The following WAPL variants were observed in gnomAD, a reference collection of about 807,000 sequenced individuals.
WAPL encodes WAPL cohesin release factor, also known as wings apart-like protein homolog.
In WAPL, 5 loss-of-function variants were observed where a neutral mutation model predicts 121.0. The ratio of observed to expected loss-of-function variants is 0.04; its 90% CI spans 0.02 to 0.09. WAPL has a LOEUF of 0.09. Ranked by LOEUF, WAPL falls within the 10% of genes least tolerant of loss-of-function variation. The pLI, the probability that WAPL is intolerant of heterozygous loss-of-function variation, is 1.00. For synonymous variants in WAPL, 480 were observed against 481.5 expected, an observed-to-expected ratio of 1.00 and a Z score of 0.04; for missense variants, 999 against 1,410.8, an observed-to-expected ratio of 0.71 and a Z score of 4.68.
At chr10:86,475,044 G>A (rs144020051) in intron 4 of WAPL, among the ~76,000 whole-genome samples, 4,063 of 152,296 alleles carry the variant, frequency 0.027, 70 homozygotes, top group Middle Eastern at 0.071. Context: ...GCAGGACAAA[G>A]ATGTAAAGTC....
At chr10:86,492,695 T>C (rs1842073604) in intron 4 of WAPL, among the ~76,000 whole-genome samples, 2 of 152,102 alleles carry the variant, frequency 1.3e-5, no homozygotes, top group African/African-American at 2.4e-5. Flanking sequence ...ATGACATCAG[T>C]AGGAAACAAT....
chr10:86,507,293 G>A (rs1378208730), intron 2 of WAPL, among the ~76,000 whole-genome samples: 8 of 147,696 alleles, frequency 5.4e-5, no homozygotes, highest in Non-Finnish European at 1.2e-4. Context: ...GCTTGAACCC[G>A]GGAGGCAGAG....
intron 4 of WAPL, among the ~76,000 whole-genome samples, chr10:86,475,954 G>C (rs1841641272): frequency 6.6e-6 from 1 of 152,222 alleles, no homozygotes; most frequent in Non-Finnish European, 1.5e-5. Flanking sequence ...GCCGAGGCAG[G>C]AAGCAGATCA....
intron 1 of WAPL, among the ~76,000 whole-genome samples, chr10:86,519,332 C>CT (rs1842625073): frequency 6.6e-6 from 1 of 152,082 alleles, no homozygotes; most frequent in African/African-American, 2.4e-5. Flanking sequence ...GAACAAGGGC[C>CT]TAAGGAATGA....
intron 15 of WAPL, among the ~76,000 whole-genome samples, chr10:86,449,974 T>C (rs1224173370): frequency 6.6e-6 from 1 of 152,174 alleles, no homozygotes; most frequent in African/African-American, 2.4e-5. Context: ...GAGGTACATA[T>C]GTTACACACA....
At chr10:86,505,525 G>C (rs1842333313) in intron 2 of WAPL, among the ~76,000 whole-genome samples, 1 of 151,812 alleles carries the variant, frequency 6.6e-6, no homozygotes, top group South Asian at 2.1e-4. Flanking sequence ...GACCTCAAGT[G>C]ATCTGCCTAC....
intron 4 of WAPL, among the ~76,000 whole-genome samples, chr10:86,490,914 T>G (rs1434196977): frequency 6.6e-6 from 1 of 151,136 alleles, no homozygotes; most frequent in Non-Finnish European, 1.5e-5. Flanking sequence ...AATACAAAAA[T>G]TAGCTGGGCA....
intron 17 of WAPL, among the ~76,000 whole-genome samples, chr10:86,439,564 G>T (rs1849410872): frequency 6.6e-6 from 1 of 152,106 alleles, no homozygotes; most frequent in Admixed American, 6.5e-5. Flanking sequence ...AATATAGCAG[G>T]TACAAAAAGA....
chr10:86,451,946 G>T (rs7913031), intron 15 of WAPL, 21 bp downstream of exon 15: 84,414 of 1,609,898 alleles, frequency 0.052, 4,948 homozygotes, highest in East Asian at 0.37. Flanking sequence ...TTATGAGTTT[G>T]TTTTTAAAGT....
intron 4 of WAPL, among the ~76,000 whole-genome samples, chr10:86,492,739 A>G (rs79981409): frequency 0.026 from 4,028 of 152,246 alleles, 69 homozygotes; most frequent in Non-Finnish European, 0.04. Flanking sequence ...TTTCTGTAAG[A>G]CAAATATCCT....
chr10:86,490,395 T>G (rs1842021095), intron 4 of WAPL, among the ~76,000 whole-genome samples: 1 of 152,228 alleles, frequency 6.6e-6, no homozygotes, highest in Non-Finnish European at 1.5e-5. Flanking sequence ...ATGACCTGAT[T>G]TACTTTAGGC....
intron 9 of WAPL, 169 bp downstream of exon 9, chr10:86,467,110 G>T (rs1227119551): frequency 6.5e-6 from 4 of 619,796 alleles, no homozygotes; most frequent in Non-Finnish European, 1.1e-5. Flanking sequence ...AGTTTAGGAA[G>T]TTCAGGCAAG....
chr10:86,472,403 T>C lies in WAPL; in HGVS notation c.1894-59A>G, dbSNP rs1289330418. 1.3e-6 allele frequency: 2 copies of C among 1,567,556 alleles called. No individual in the cohort carries two copies. Among genetic ancestry groups the C allele is most frequent in the Non-Finnish European group, 1.7e-6 (2 of 1,164,614 alleles). On this transcript the variant is annotated intron_variant, in intron 6 of 18. Transcript: ENST00000298767. The surrounding 1 kb of genome is among the most constrained non-coding windows in gnomAD (Gnocchi z 4.2). ...CTAGGAACTAGCATATTTAAATCTATGGGCTCACTGTACTTTACATAAGTG... is the reference window on the plus strand; with the variant it reads ...CTAGGAACTAGCATATTTAAATCTACGGGCTCACTGTACTTTACATAAGTG...
At position 86,500,589 on chromosome 10, in the gene WAPL, C is replaced by G. The variant is rs770204485; in HGVS notation, c.654G>C (p.Arg218Ser). Residue 218 changes from arginine to serine, a missense_variant, in exon 3 of 19, where the codon AGG (arginine) becomes AGC (serine). Coordinates refer to ENST00000298767, the MANE Select transcript of WAPL (RefSeq NM_015045.5). ...NDTWNSQFGK[R>S]PESPSEISPI... is the part of the protein sequence containing the mutation. ...GAGATATTTCTGATGGTGATTCTGGCCTTTTCCCAAACTGGGAGTTCCAAG... is the reference window on the plus strand; with the variant it reads ...GAGATATTTCTGATGGTGATTCTGGGCTTTTCCCAAACTGGGAGTTCCAAG... The G allele has an allele frequency of 3.1e-6, 5 of 1,614,008 alleles. No individual in the cohort carries two copies. In the Admixed American group the frequency reaches 8.3e-5, roughly 27 times the overall value.
At chr10:86,471,329 T>A (rs1435158132) in intron 7 of WAPL, among the ~76,000 whole-genome samples, 1 of 152,222 alleles carries the variant, frequency 6.6e-6, no homozygotes, top group African/African-American at 2.4e-5. Context: ...GTAATTGTCT[T>A]TAGTGCATTC....
At chr10:86,478,116 C>G (rs950838500) in intron 4 of WAPL, among the ~76,000 whole-genome samples, 14 of 77,452 alleles carry the variant, frequency 1.8e-4, no homozygotes, top group African/African-American at 7.3e-4. Flanking sequence ...GATACCTAAA[C>G]TTTTTTCTGT....
At position 86,517,761 on chromosome 10, in the gene WAPL, A is replaced by G; in HGVS notation, c.309T>C (p.Ala103=). 6.2e-7 allele frequency: 1 copy of G among 1,614,194 alleles called. No individual in the cohort carries two copies. The highest frequency in any genetic ancestry group is 8.5e-7 in the Non-Finnish European group (1 of 1,180,028). The change falls in exon 2 of 19, where the codon GCT becomes GCC. Residue 103 remains alanine, a synonymous_variant. Coordinates refer to ENST00000298767, the MANE Select transcript of WAPL (RefSeq NM_015045.5). ...KCSSYSESSE[A]AQLEEVTSVL... Reference sequence around the variant, plus strand: ...CTGAAGTGACCTCTTCCAACTGAGCAGCTTCACTAGATTCTGAATAAGAGG... The same window carrying G: ...CTGAAGTGACCTCTTCCAACTGAGCGGCTTCACTAGATTCTGAATAAGAGG...
chr10:86,508,762 T>TTA (rs1842399160), intron 2 of WAPL, among the ~76,000 whole-genome samples: 1 of 147,036 alleles, frequency 6.8e-6, no homozygotes, highest in African/African-American at 2.5e-5. Flanking sequence ...AAAGTTCTTT[T>TTA]TTTTTTTTTT....
intron 3 of WAPL, among the ~76,000 whole-genome samples, chr10:86,497,755 A>C (rs1248639441): frequency 6.6e-6 from 1 of 152,230 alleles, no homozygotes. Flanking sequence ...TGGCCTTCAA[A>C]GAATGCCTGC....
Sources: gnomAD v4.1 joint callset for allele counts (sites outside exome capture counted in the v4.1 genomes callset) on GRCh38, gnomAD v4.1.1 for gene constraint, Gnocchi (gnomAD v3.1) non-coding constraint, MANE v1.5 for transcripts, NCBI Gene and HGNC (gene_info 2026-07-23, HGNC 2026-07-21) for gene names.